SORCS2: variants seen among roughly 807,000 people sequenced by gnomAD.
SORCS2 encodes sortilin related VPS10 domain containing receptor 2.
SORCS2 carries 100 observed loss-of-function variants against 141.6 expected under a neutral mutation model. The ratio of observed to expected loss-of-function variants is 0.71; its 90% CI spans 0.60 to 0.83. The LOEUF (loss-of-function observed/expected upper bound fraction) is 0.83, where lower values mean the gene tolerates loss of function less well. Among genes scored for constraint, SORCS2 ranks in the 40% least tolerant of loss-of-function variants. The probability of loss-of-function intolerance (pLI) is 0.00; values close to 1 mark genes in which losing one functional copy is unlikely to be tolerated. For synonymous variants in SORCS2, 789 were observed against 676.9 expected (o/e 1.17, Z -2.57); for missense variants, 1,646 against 1,560.2 (o/e 1.05, Z -0.93).
Position 7,676,970 on chromosome 4 carries a change from C to T in SORCS2, c.1341+741C>T, listed in dbSNP as rs1383668991. Among the ~76,000 whole-genome samples the T allele has an allele frequency of 3.2e-5, 4 of 124,378 alleles. 1 individual carries two copies. Among genetic ancestry groups the T allele is most frequent in the African/African-American group, 1.2e-4 (4 of 34,200 alleles). 81.6% of individuals were successfully genotyped at this position (124,378 alleles called of 152,430 possible). A position where few individuals can be genotyped will look rare whatever the true frequency, so the allele number is the denominator to read the frequency against. ...TCCCTCTGCCTTCCTCTCTCCACCC[C>T]AGCCCCTTCATCTCCTCCTTCCTCT... On this transcript the variant is annotated intron_variant, in intron 9 of 26. Transcript: ENST00000507866.
At chr4:7,373,330 G>A in intron 1 of SORCS2, among the ~76,000 whole-genome samples, 1 of 150,934 alleles carries the variant, frequency 6.6e-6, no homozygotes, top group African/African-American at 2.4e-5. Context: ...AATAAGAAAT[G>A]ATACTGAGCA....
intron 3 of SORCS2, among the ~76,000 whole-genome samples, chr4:7,580,083 T>C (rs1243499188): frequency 6.6e-6 from 1 of 152,238 alleles, no homozygotes; most frequent in East Asian, 1.9e-4. Context: ...CTGTACAGGC[T>C]ATGTAGGCAA....
rs890494056 is a variant in SORCS2 at position 7,725,303 on chromosome 4, C to T, written c.2745+16C>T. 2.5e-6 allele frequency: 4 copies of T among 1,608,146 alleles called. No homozygotes were observed. The African/African-American group carries it at 4.0e-5, about 16-fold the overall frequency. On this transcript the variant is annotated intron_variant, in intron 20 of 26. Coordinates refer to ENST00000507866, the MANE Select transcript of SORCS2 (RefSeq NM_020777.3). Reference sequence around the variant, plus strand: ...CAGCCTGCAGGTGCGCTGGCTTTGCCCCAACTCAGCCCTTCTTCCCGCAGG... The same window carrying T: ...CAGCCTGCAGGTGCGCTGGCTTTGCTCCAACTCAGCCCTTCTTCCCGCAGG...
intron 3 of SORCS2, among the ~76,000 whole-genome samples, chr4:7,549,449 C>T (rs1307113215): frequency 6.6e-6 from 1 of 151,738 alleles, no homozygotes; most frequent in Non-Finnish European, 1.5e-5. Flanking sequence ...GGGAGTGGAT[C>T]CCCCAAGCCA....
intron 1 of SORCS2, among the ~76,000 whole-genome samples, chr4:7,304,346 C>T (rs1717641863): frequency 6.6e-6 from 1 of 152,176 alleles, no homozygotes; most frequent in Non-Finnish European, 1.5e-5. Flanking sequence ...CTCTGTCTGT[C>T]CTTCTGCCCT....
chr4:7,574,380 A>G (rs1715606928), intron 3 of SORCS2, among the ~76,000 whole-genome samples: 1 of 152,234 alleles, frequency 6.6e-6, no homozygotes, highest in Non-Finnish European at 1.5e-5. Context: ...ATTTTTTAAC[A>G]TAGAAAACAG....
At chr4:7,495,129 C>G (rs184413729) in intron 2 of SORCS2, among the ~76,000 whole-genome samples, 1 of 152,218 alleles carries the variant, frequency 6.6e-6, no homozygotes, top group Non-Finnish European at 1.5e-5. Context: ...GTACTACAGT[C>G]AGCTTAGAAA....
intron 21 of SORCS2, among the ~76,000 whole-genome samples, chr4:7,727,479 C>A (rs999713007): frequency 1.1e-4 from 17 of 151,718 alleles, no homozygotes; most frequent in Admixed American, 5.3e-4. Flanking sequence ...AACATCACAG[C>A]AATAAACCCT....
chr4:7,480,720 G>T (rs11945406), intron 2 of SORCS2, among the ~76,000 whole-genome samples: 1 of 152,162 alleles, frequency 6.6e-6, no homozygotes, highest in Non-Finnish European at 1.5e-5. Context: ...CTGGAGTTGT[G>T]GGGAGGGCGC....
chr4:7,528,772 C>G (rs901552188), intron 2 of SORCS2, among the ~76,000 whole-genome samples: 1 of 152,100 alleles, frequency 6.6e-6, no homozygotes, highest in Non-Finnish European at 1.5e-5. Flanking sequence ...GTACCTGGAA[C>G]GCAGCTGCCA....
chr4:7,680,840 G>A (rs1476732357), intron 9 of SORCS2, among the ~76,000 whole-genome samples: 2 of 152,152 alleles, frequency 1.3e-5, no homozygotes, highest in East Asian at 1.9e-4. Flanking sequence ...AGCCAACTCC[G>A]AGGGTAACCT....
Position 7,704,198 on chromosome 4 carries a change from C to T in SORCS2, c.1782C>T (p.Leu594=). The T allele has an allele frequency of 1.2e-6, 2 of 1,612,738 alleles. No individual in the cohort carries two copies. Among genetic ancestry groups the T allele is most frequent in the Non-Finnish European group, 1.7e-6 (2 of 1,179,516 alleles). Residue 594 remains leucine, a synonymous_variant, in exon 14 of 27, where the codon CTC becomes CTT. Coordinates refer to ENST00000507866, the MANE Select transcript of SORCS2 (RefSeq NM_020777.3). Reference sequence around the variant, plus strand: ...GCAGGTTCAGTGTGGACGAGGGCCTCACCTGGAGCACGCACAACTTCACCA... The same window carrying T: ...GCAGGTTCAGTGTGGACGAGGGCCTTACCTGGAGCACGCACAACTTCACCA... ...KILKFSVDEG[L]TWSTHNFTST... is the part of the protein sequence containing the mutation.
chr4:7,718,603 A>G (rs1726362640), intron 18 of SORCS2, among the ~76,000 whole-genome samples: 2 of 152,236 alleles, frequency 1.3e-5, no homozygotes, highest in South Asian at 4.1e-4. Flanking sequence ...TAAAAACGCT[A>G]TTACTTATAA....
chr4:7,361,664 C>T (rs1197232020), intron 1 of SORCS2, among the ~76,000 whole-genome samples: 6 of 152,074 alleles, frequency 3.9e-5, no homozygotes, highest in Admixed American at 2.6e-4. Context: ...AGGAGACACG[C>T]CCACAGTGAG....
intron 1 of SORCS2, among the ~76,000 whole-genome samples, chr4:7,257,523 A>G (rs969921969): frequency 6.6e-6 from 1 of 152,100 alleles, no homozygotes; most frequent in Non-Finnish European, 1.5e-5. Context: ...CGCACATTTT[A>G]ATAATGCCCC....
chr4:7,709,982 T>C (rs984183661), intron 14 of SORCS2, among the ~76,000 whole-genome samples: 1 of 152,186 alleles, frequency 6.6e-6, no homozygotes, highest in African/African-American at 2.4e-5. Flanking sequence ...TCGGCACCTC[T>C]TTCCTAAGAC....
intron 2 of SORCS2, among the ~76,000 whole-genome samples, chr4:7,420,450 G>A (rs985218583): frequency 1.6e-4 from 24 of 152,206 alleles, no homozygotes; most frequent in African/African-American, 4.6e-4. Flanking sequence ...GACTCAGAGA[G>A]TGTCCAGGGC....
At chr4:7,259,470 C>A (rs1233477714) in intron 1 of SORCS2, among the ~76,000 whole-genome samples, 1 of 152,090 alleles carries the variant, frequency 6.6e-6, no homozygotes, top group Non-Finnish European at 1.5e-5. Context: ...GAAATGGTTG[C>A]TGTGCTGAGG....
At chr4:7,401,688 C>G (rs887830765) in intron 2 of SORCS2, among the ~76,000 whole-genome samples, 1 of 152,154 alleles carries the variant, frequency 6.6e-6, no homozygotes, top group Admixed American at 6.5e-5. Context: ...CCAGGGGACT[C>G]TGTGCCTGTG....
Sources: allele counts gnomAD v4.1 joint callset (sites outside exome capture counted in the v4.1 genomes callset), GRCh38; gene constraint gnomAD v4.1.1; transcripts MANE v1.5; gene names NCBI Gene and HGNC (gene_info 2026-07-23, HGNC 2026-07-21).